Variants in NCOA1 observed in about 807,000 individuals in gnomAD.
NCOA1 encodes the protein Hin-2 protein.
In NCOA1, 35 loss-of-function variants were observed where a neutral mutation model predicts 150.9. That is an observed-to-expected ratio of 0.23 (90% CI 0.18 to 0.31). The LOEUF (loss-of-function observed/expected upper bound fraction) is 0.31, where lower values mean the gene tolerates loss of function less well. Among genes scored for constraint, NCOA1 ranks in the 10% least tolerant of loss-of-function variants. NCOA1 has a pLI of 1.00. For synonymous variants in NCOA1, 590 were observed against 630.0 expected, an observed-to-expected ratio of 0.94 and a Z score of 0.95; for missense variants, 1,491 against 1,749.3, an observed-to-expected ratio of 0.85 and a Z score of 2.63.
intron 21 of NCOA1, among the ~76,000 whole-genome samples, chr2:24,761,782 G>A (rs527393837): frequency 6.6e-6 from 1 of 152,164 alleles, no homozygotes; most frequent in Admixed American, 6.5e-5. Flanking sequence ...TGTTTACTGC[G>A]ACCAAAGCAG....
chr2:24,751,972 C>T lies in NCOA1; in HGVS notation c.3707-10C>T. ...TGTATCAACATAAATTAATTTGTGT[C>T]AATTTACAGGAATGGTTCCCCAAGG... On this transcript the variant is annotated splice_polypyrimidine_tract_variant and intron_variant, in intron 19 of 22. Coordinates refer to ENST00000348332, the MANE Select transcript of NCOA1 (RefSeq NM_003743.5). 6.2e-7 allele frequency: 1 copy of T among 1,600,984 alleles called. No individual in the cohort carries two copies. The highest frequency in any genetic ancestry group is 1.8e-5 in the Admixed American group (1 of 56,762).
At chr2:24,617,076 A>C (rs1398647886) in intron 3 of NCOA1, among the ~76,000 whole-genome samples, 1 of 152,132 alleles carries the variant, frequency 6.6e-6, no homozygotes, top group African/African-American at 2.4e-5. Context: ...TGTCCTACAA[A>C]CTTACCATCA....
intron 1 of NCOA1, among the ~76,000 whole-genome samples, chr2:24,498,909 A>C (rs956422455): frequency 4.0e-5 from 6 of 151,660 alleles, no homozygotes; most frequent in Non-Finnish European, 5.9e-5. Context: ...TTGGGAACTT[A>C]TTCACTCATT....
intron 1 of NCOA1, among the ~76,000 whole-genome samples, chr2:24,522,013 A>G (rs1007564141): frequency 6.6e-6 from 1 of 152,086 alleles, no homozygotes; most frequent in East Asian, 1.9e-4. Context: ...CATACATAGT[A>G]CCTTCTAACA....
intron 3 of NCOA1, among the ~76,000 whole-genome samples, chr2:24,600,260 T>C: frequency 6.6e-6 from 1 of 152,128 alleles, no homozygotes; most frequent in Non-Finnish European, 1.5e-5. Flanking sequence ...TGGAGTGCAG[T>C]GGTGGTGCAA....
Position 24,739,548 on chromosome 2 carries a change from C to A in NCOA1, c.3303+15C>A. ...TTACACCTCAGGTAATGTGAGAAAA[C>A]CAGACGTCATTAGTACTTCTTTAAC... On this transcript the variant is annotated intron_variant, in intron 18 of 22. Transcript: ENST00000348332. 1.3e-6 allele frequency: 2 copies of A among 1,580,268 alleles called. No individual in the cohort carries two copies. The highest frequency in any genetic ancestry group is 1.7e-6 in the Non-Finnish European group (2 of 1,149,374).
At chr2:24,554,180 T>G (rs1183798900) in intron 1 of NCOA1, among the ~76,000 whole-genome samples, 1 of 152,208 alleles carries the variant, frequency 6.6e-6, no homozygotes, top group Non-Finnish European at 1.5e-5. Context: ...CTATGTTTTG[T>G]TTTCAATTTT....
intron 3 of NCOA1, among the ~76,000 whole-genome samples, chr2:24,621,219 T>C (rs1669137621): frequency 6.6e-6 from 1 of 152,092 alleles, no homozygotes. Context: ...CCTTGTCTTG[T>C]TGTGAAACAT....
intron 1 of NCOA1, among the ~76,000 whole-genome samples, chr2:24,510,247 C>T (rs950122749): frequency 1.3e-5 from 2 of 152,192 alleles, no homozygotes; most frequent in Non-Finnish European, 2.9e-5. Context: ...GATGGGGTTT[C>T]ACCATGTTGG....
At chr2:24,725,184 C>T (rs535882897) in intron 14 of NCOA1, among the ~76,000 whole-genome samples, 9 of 152,158 alleles carry the variant, frequency 5.9e-5, no homozygotes, top group African/African-American at 2.2e-4. Flanking sequence ...TTCATTCATT[C>T]GAATGAGAAA....
intron 1 of NCOA1, among the ~76,000 whole-genome samples, chr2:24,524,539 C>T (rs943119776): frequency 6.6e-6 from 1 of 152,166 alleles, no homozygotes; most frequent in Admixed American, 6.5e-5. Context: ...AAGTGATCCT[C>T]ATGCCTCGGC....
rs1373994106 is a variant in NCOA1, at chr2:24,712,330, C to T, written c.2599+1219C>T. ...GGCTGAAAAGAGATAAAATGAAAGTCTGCATATTGATTGATTTGGAGGTCT... is the reference window on the plus strand; with the variant it reads ...GGCTGAAAAGAGATAAAATGAAAGTTTGCATATTGATTGATTTGGAGGTCT... On this transcript the variant is annotated intron_variant, in intron 14 of 22. Transcript: ENST00000348332. Among the ~76,000 whole-genome samples, 6 of 152,178 alleles carry T rather than the reference C, an allele frequency of 3.9e-5. No homozygotes were observed. The East Asian group carries it at 1.2e-3, about 29-fold the overall frequency.
intron 22 of NCOA1, 141 bp from the exon 23 acceptor site, chr2:24,768,080 A>G: frequency 1.2e-6 from 2 of 1,613,804 alleles, no homozygotes; most frequent in Non-Finnish European, 1.7e-6. Context: ...TTTTTGTAGG[A>G]CAAGAAGACA....
intron 1 of NCOA1, among the ~76,000 whole-genome samples, chr2:24,521,090 T>C (rs1664398589): frequency 6.6e-6 from 1 of 152,202 alleles, no homozygotes; most frequent in Admixed American, 6.5e-5. Context: ...CAAGGAAGTC[T>C]ACCTGTTTAT....
rs771120976 is a variant in NCOA1 at position 24,707,828 on chromosome 2, A to G, written c.2358A>G (p.Thr786=). The G allele has an allele frequency of 6.8e-6, 11 of 1,613,540 alleles. No homozygotes were observed. In the South Asian group the frequency reaches 1.2e-4, roughly 18 times the overall value. ...EKKEQMDPCN[T]NPTPMTKPTP... is the part of the protein sequence containing the mutation. ...AAGAACAGATGGATCCATGTAATACAAACCCAACCCCAATGACCAAACCCA... is the reference window on the plus strand; with the variant it reads ...AAGAACAGATGGATCCATGTAATACGAACCCAACCCCAATGACCAAACCCA... The change falls in exon 13 of 23, where the codon ACA becomes ACG. Residue 786 remains threonine (T), a synonymous_variant. Transcript: ENST00000348332.
intron 1 of NCOA1, among the ~76,000 whole-genome samples, chr2:24,517,607 A>T (rs1276870806): frequency 3.3e-5 from 5 of 152,200 alleles, no homozygotes; most frequent in African/African-American, 9.6e-5. Flanking sequence ...GTATTTATTT[A>T]TCTGGCTCAA....
chr2:24,596,705 TTAAA>T (rs1273174556), intron 3 of NCOA1, among the ~76,000 whole-genome samples: 3 of 152,208 alleles, frequency 2.0e-5, no homozygotes, highest in African/African-American at 2.4e-5. Flanking sequence ...GAGAGTATTC[TTAAA>T]TAAACTTAAA....
At chr2:24,623,698 C>T (rs1045693616) in intron 3 of NCOA1, among the ~76,000 whole-genome samples, 2 of 152,104 alleles carry the variant, frequency 1.3e-5, no homozygotes, top group South Asian at 2.1e-4. Context: ...ATCAAGATAC[C>T]GTCAGGGTTG....
chr2:24,739,574 C>T (rs768986453), intron 18 of NCOA1, 41 bp downstream of exon 18: 8 of 1,433,686 alleles, frequency 5.6e-6, no homozygotes, highest in Non-Finnish European at 9.8e-7. Flanking sequence ...CTTCTTTAAC[C>T]CACATAGTGT....
Sources: gnomAD v4.1 joint callset for allele counts (sites outside exome capture counted in the v4.1 genomes callset) on GRCh38, gnomAD v4.1.1 for gene constraint, MANE v1.5 for transcripts, NCBI Gene and HGNC (gene_info 2026-07-23, HGNC 2026-07-21) for gene names.